PARD3: variants seen among roughly 807,000 people sequenced by gnomAD.
The protein encoded by PARD3 is partitioning defective 3 homolog.
Under a neutral mutation model 155.4 loss-of-function variants are expected in PARD3, and 75 were observed. The observed-to-expected ratio is 0.48, with a 90% CI of 0.40 to 0.58. The LOEUF (loss-of-function observed/expected upper bound fraction) is 0.58, where lower values mean the gene tolerates loss of function less well. PARD3 is among the 20% of genes least tolerant of loss of function. The pLI is 0.00. For synonymous variants in PARD3, 576 were observed against 610.5 expected (o/e 0.94, Z 0.83); for missense variants, 1,642 against 1,721.7 (o/e 0.95, Z 0.82).
At chr10:34,521,873 C>G (rs1195262097) in intron 2 of PARD3, among the ~76,000 whole-genome samples, 1 of 152,162 alleles carries the variant, frequency 6.6e-6, no homozygotes, top group East Asian at 1.9e-4. Flanking sequence ...AATGGAGAAT[C>G]AGAAAAAGCT....
intron 19 of PARD3, among the ~76,000 whole-genome samples, chr10:34,318,964 A>T (rs1391025780): frequency 6.7e-6 from 1 of 149,816 alleles, no homozygotes; most frequent in African/African-American, 2.5e-5. Flanking sequence ...TTGTATTTTT[A>T]GTAGTAGAGT....
chr10:34,591,959 G>A (rs1011367520), intron 2 of PARD3, among the ~76,000 whole-genome samples: 20 of 152,110 alleles, frequency 1.3e-4, no homozygotes, highest in Admixed American at 1.2e-3. Flanking sequence ...AAGCCACAAG[G>A]GAGATTAGCA....
intron 4 of PARD3, among the ~76,000 whole-genome samples, chr10:34,460,796 G>A (rs931118090): frequency 9.2e-5 from 14 of 152,090 alleles, no homozygotes; most frequent in Non-Finnish European, 1.9e-4. Flanking sequence ...TCACACCACT[G>A]CACTCCGGCC....
At chr10:34,218,234 G>A (rs1212154349) in intron 22 of PARD3, among the ~76,000 whole-genome samples, 2 of 152,178 alleles carry the variant, frequency 1.3e-5, no homozygotes, top group Non-Finnish European at 2.9e-5. Context: ...TTCTATGGAA[G>A]GCACATGACA....
intron 22 of PARD3, among the ~76,000 whole-genome samples, chr10:34,198,609 T>C (rs2133318550): frequency 6.6e-6 from 1 of 152,288 alleles, no homozygotes; most frequent in East Asian, 1.9e-4. Flanking sequence ...TTATAATGAA[T>C]GCTGCCACCT....
chr10:34,591,624 C>A (rs1433217544), intron 2 of PARD3, among the ~76,000 whole-genome samples: 1 of 152,086 alleles, frequency 6.6e-6, no homozygotes, highest in Non-Finnish European at 1.5e-5. Flanking sequence ...AAGACAAACC[C>A]AAGATAAAGA....
chr10:34,670,753 T>C (rs2093596276), intron 2 of PARD3, among the ~76,000 whole-genome samples: 1 of 152,336 alleles, frequency 6.6e-6, no homozygotes. Context: ...TCCAATTCCA[T>C]CCGTGAACAG....
intron 19 of PARD3, among the ~76,000 whole-genome samples, chr10:34,325,528 A>C (rs1834917293): frequency 1.3e-5 from 2 of 151,152 alleles, no homozygotes; most frequent in African/African-American, 4.9e-5. Flanking sequence ...CCCCTACACC[A>C]CCACCCCCTC....
chr10:34,717,035 A>G lies in PARD3; in HGVS notation c.121-20616T>C, dbSNP rs181128921. Among the ~76,000 whole-genome samples, 5 of 152,256 alleles carry G rather than the reference A, an allele frequency of 3.3e-5. No individual in the cohort carries two copies. The East Asian group carries it at 9.6e-4, about 29-fold the overall frequency. The stretch of plus-strand genomic sequence containing the variant: ...GGTCCAAGATAACACCACTTCTTCC[A>G]GTGTGGCCCGGGGATACCAAAAGAT... On this transcript the variant is annotated intron_variant, in intron 1 of 24. Coordinates refer to ENST00000374788, the MANE Select transcript of PARD3 (RefSeq NM_001184785.2).
At chr10:34,299,579 A>G (rs1957058500) in intron 20 of PARD3, among the ~76,000 whole-genome samples, 1 of 152,240 alleles carries the variant, frequency 6.6e-6, no homozygotes, top group South Asian at 2.1e-4. Flanking sequence ...TCTGTCTTAC[A>G]AGATAAATAA....
chr10:34,288,027 A>G (rs1245640417), intron 20 of PARD3, among the ~76,000 whole-genome samples: 2 of 152,130 alleles, frequency 1.3e-5, no homozygotes, highest in South Asian at 2.1e-4. Context: ...CCTGGTCAAC[A>G]TGATGAAACC....
intron 22 of PARD3, among the ~76,000 whole-genome samples, chr10:34,242,913 C>A (rs1187725754): frequency 1.3e-5 from 2 of 152,138 alleles, no homozygotes; most frequent in Admixed American, 6.5e-5. Flanking sequence ...CCAACCTGGG[C>A]AACAGACCAA....
At chr10:34,473,068 G>A (rs898616204) in intron 3 of PARD3, among the ~76,000 whole-genome samples, 1 of 152,146 alleles carries the variant, frequency 6.6e-6, no homozygotes, top group African/African-American at 2.4e-5. Flanking sequence ...CAGGCCCTGC[G>A]GGATGTCTCT....
At chr10:34,626,269 G>A (rs1044273991) in intron 2 of PARD3, among the ~76,000 whole-genome samples, 5 of 152,156 alleles carry the variant, frequency 3.3e-5, no homozygotes, top group South Asian at 2.1e-4. Flanking sequence ...TCTCTCACGC[G>A]TTCATGGAGT....
At chr10:34,469,553 CTT>C (rs930571948) in intron 4 of PARD3, among the ~76,000 whole-genome samples, 20 of 152,270 alleles carry the variant, frequency 1.3e-4, no homozygotes, top group East Asian at 1.2e-3. Flanking sequence ...TACAAGGAGA[CTT>C]AGGATAAAAC....
intron 16 of PARD3, 73 bp from the exon 17 acceptor site, chr10:34,337,499 C>T (rs369998058): frequency 3.4e-6 from 3 of 872,016 alleles, no homozygotes; most frequent in Non-Finnish European, 3.3e-6. Flanking sequence ...GAGGTTCATA[C>T]ATACCTGCAA....
At chr10:34,365,499 T>A (rs1050529550) in intron 12 of PARD3, among the ~76,000 whole-genome samples, 1 of 152,232 alleles carries the variant, frequency 6.6e-6, no homozygotes, top group African/African-American at 2.4e-5. Flanking sequence ...TCTTCACTCG[T>A]GCCTGGGGCA....
chr10:34,338,823 C>T (rs886758582), intron 16 of PARD3, among the ~76,000 whole-genome samples: 2 of 152,200 alleles, frequency 1.3e-5, no homozygotes, highest in African/African-American at 2.4e-5. Flanking sequence ...ATAAAGAGAA[C>T]AGTTGTCTCA....
At chr10:34,164,128 C>G (rs1265780411) in intron 22 of PARD3, among the ~76,000 whole-genome samples, 3 of 152,048 alleles carry the variant, frequency 2.0e-5, no homozygotes, top group Non-Finnish European at 4.4e-5. Context: ...GAAAAATAAA[C>G]AGCTACTATG....
Sources: allele counts gnomAD v4.1 joint callset (sites outside exome capture counted in the v4.1 genomes callset), GRCh38; gene constraint gnomAD v4.1.1; transcripts MANE v1.5; gene names NCBI Gene and HGNC (gene_info 2026-07-23, HGNC 2026-07-21).